The following PTPN20 variants were observed in gnomAD, a reference collection of about 807,000 sequenced individuals.
The protein encoded by PTPN20 is tyrosine-protein phosphatase non-receptor type 20.
In PTPN20, 9 loss-of-function variants were observed where a neutral mutation model predicts 35.0. The ratio of observed to expected loss-of-function variants is 0.26; its 90% CI spans 0.15 to 0.45. The LOEUF is 0.45. Ranked by LOEUF, PTPN20 falls within the 20% of genes least tolerant of loss-of-function variation. PTPN20 has a pLI of 1.00. For missense variants in PTPN20, 111 were observed against 312.5 expected, an observed-to-expected ratio of 0.36 and a Z score of 4.86; for synonymous variants, 32 against 100.2, an observed-to-expected ratio of 0.32 and a Z score of 4.06.
At chr10:47,003,403 G>A (rs1267635720), downstream of PTPN20, among the ~76,000 whole-genome samples, 1 of 152,054 alleles carries the variant, frequency 6.6e-6, no homozygotes, top group Non-Finnish European at 1.5e-5. Flanking sequence ...AATAATTGCT[G>A]TAAATATTGG....
chr10:46,998,947 T>TA (rs36087687), intron 9 of PTPN20, among the ~76,000 whole-genome samples: 1 of 121,848 alleles, frequency 8.2e-6, no homozygotes, highest in Non-Finnish European at 1.7e-5. Flanking sequence ...AAAATAAAAA[T>TA]AAAAAAGTTA....
At chr10:46,997,476 ATT>A (rs1373571541) in intron 9 of PTPN20, among the ~76,000 whole-genome samples, 2 of 150,708 alleles carry the variant, frequency 1.3e-5, no homozygotes, top group African/African-American at 4.9e-5. Context: ...CATCCTACTT[ATT>A]TTCTGGTCTT....
At chr10:46,997,239 T>C (rs1412326328) in intron 9 of PTPN20, among the ~76,000 whole-genome samples, 11 of 152,202 alleles carry the variant, frequency 7.2e-5, no homozygotes, top group African/African-American at 2.7e-4. Flanking sequence ...TAAATGGTAT[T>C]GTGTTTGTAC....
intron 5 of PTPN20, among the ~76,000 whole-genome samples, chr10:46,947,205 T>G (rs2045120707): frequency 7.9e-6 from 1 of 126,416 alleles, no homozygotes; most frequent in South Asian, 2.9e-4. Context: ...AACATATATG[T>G]GTATGTGTAT....
intron 7 of PTPN20, among the ~76,000 whole-genome samples, chr10:46,982,453 A>G (rs1216071938): frequency 6.6e-6 from 1 of 151,844 alleles, no homozygotes; most frequent in East Asian, 1.9e-4. Context: ...CGTTTTTTAC[A>G]TTCCCCTTGT....
intron 2 of PTPN20, among the ~76,000 whole-genome samples, chr10:46,938,091 C>T (rs1223134873): frequency 7.9e-5 from 12 of 151,956 alleles, no homozygotes; most frequent in Admixed American, 7.9e-4. Context: ...GCTGGGATTG[C>T]AGGTGCGCAC....
intron 6 of PTPN20, among the ~76,000 whole-genome samples, chr10:46,967,514 TA>T (rs1316108020): frequency 7.1e-6 from 1 of 141,000 alleles, no homozygotes; most frequent in African/African-American, 2.8e-5. Flanking sequence ...GTCCTAACTA[TA>T]ATTTCTTCAA....
chr10:46,997,130 CTTT>C (rs1429944890), intron 9 of PTPN20, among the ~76,000 whole-genome samples: 1 of 152,012 alleles, frequency 6.6e-6, no homozygotes, highest in African/African-American at 2.4e-5. Flanking sequence ...TTATTTAGGT[CTTT>C]TTTGAATTCT....
intron 1 of PTPN20, chr10:46,926,264 G>T: frequency 1.3e-6 from 1 of 743,526 alleles, no homozygotes; most frequent in Non-Finnish European, 1.6e-6. Context: ...TGAGACATTT[G>T]TCTGGAATTC....
At chr10:46,952,801 C>T (rs1382514036) in intron 5 of PTPN20, among the ~76,000 whole-genome samples, 1 of 151,932 alleles carries the variant, frequency 6.6e-6, no homozygotes, top group Non-Finnish European at 1.5e-5. Flanking sequence ...TTCCTCGTTA[C>T]TCCATTGGAA....
rs2059940597 is a variant in PTPN20 at position 47,000,673 on chromosome 10, T to C, written c.1198-3T>C. On this transcript the variant is annotated splice_region_variant and splice_polypyrimidine_tract_variant and intron_variant, in intron 10 of 10. Coordinates refer to ENST00000374339, the MANE Select transcript of PTPN20 (RefSeq NM_001042357.5). The stretch of plus-strand genomic sequence containing the variant: ...CTGTTGTTTTTTATATATATGTATA[T>C]AGGAGCAGTATCACTTTTGTTACGA... 1.2e-5 allele frequency: 20 copies of C among 1,613,328 alleles called. No homozygotes were observed. The highest frequency in any genetic ancestry group is 1.7e-5 in the Non-Finnish European group (20 of 1,179,482).
At chr10:46,932,765 A>AT (rs1240915254) in intron 2 of PTPN20, among the ~76,000 whole-genome samples, 2,102 of 144,650 alleles carry the variant, frequency 0.015, 9 homozygotes, top group Non-Finnish European at 0.017. Context: ...TTCAAATGGC[A>AT]TTTTTTTTTC....
At chr10:46,940,455 A>T in intron 2 of PTPN20, 168 bp from the exon 3 acceptor site, 2 of 654,890 alleles carry the variant, frequency 3.1e-6, no homozygotes, top group Non-Finnish European at 5.4e-6. Flanking sequence ...TTTTCAAAGC[A>T]GGGGAGAAAG....
chr10:46,994,105 C>G (rs1358413882), intron 9 of PTPN20, among the ~76,000 whole-genome samples: 1 of 150,860 alleles, frequency 6.6e-6, no homozygotes, highest in Admixed American at 6.6e-5. Flanking sequence ...TTTTTTCTTT[C>G]AACACTTTGA....
intron 7 of PTPN20, among the ~76,000 whole-genome samples, chr10:46,976,784 A>G (rs1555167339): frequency 2.2e-5 from 2 of 90,208 alleles, no homozygotes; most frequent in South Asian, 3.1e-4. Flanking sequence ...TCTTGGTTCT[A>G]TCTTATAAAA....
intron 9 of PTPN20, among the ~76,000 whole-genome samples, chr10:46,997,476 A>G (rs1234576782): frequency 6.6e-6 from 1 of 150,708 alleles, no homozygotes; most frequent in African/African-American, 2.4e-5. Flanking sequence ...CATCCTACTT[A>G]TTTTCTGGTC....
intron 8 of PTPN20, among the ~76,000 whole-genome samples, chr10:46,985,319 G>A (rs2056677627): frequency 1.3e-5 from 2 of 148,556 alleles, no homozygotes; most frequent in Non-Finnish European, 3.0e-5. Flanking sequence ...TTTAGTAAGT[G>A]ACATGATCAA....
chr10:46,982,506 T>C (rs1429487964), intron 7 of PTPN20, among the ~76,000 whole-genome samples: 2 of 151,372 alleles, frequency 1.3e-5, no homozygotes, highest in South Asian at 2.1e-4. Flanking sequence ...TTGTAGGTTT[T>C]TTTAATCTTT....
intron 1 of PTPN20, among the ~76,000 whole-genome samples, chr10:46,929,382 C>T (rs2038812313): frequency 6.7e-6 from 1 of 149,798 alleles, no homozygotes; most frequent in African/African-American, 2.5e-5. Context: ...ATTGCACCTT[C>T]CCCAGGAGTT....
Sources: gnomAD v4.1 joint callset for allele counts (sites outside exome capture counted in the v4.1 genomes callset) on GRCh38, gnomAD v4.1.1 for gene constraint, MANE v1.5 for transcripts, NCBI Gene and HGNC (gene_info 2026-07-23, HGNC 2026-07-21) for gene names.